Variants in TNIP1 observed in about 807,000 individuals in gnomAD.
TNIP1 encodes TNFAIP3 interacting protein 1.
Under a neutral mutation model 86.6 loss-of-function variants are expected in TNIP1, and 22 were observed. The observed-to-expected ratio is 0.25, with a 90% CI of 0.18 to 0.36. The LOEUF (loss-of-function observed/expected upper bound fraction) is 0.36. Among genes scored for constraint, TNIP1 ranks in the 10% least tolerant of loss-of-function variants. TNIP1 has a pLI of 1.00. For missense variants in TNIP1, 709 were observed against 820.6 expected, an observed-to-expected ratio of 0.86 and a Z score of 1.66; for synonymous variants, 294 against 313.0, an observed-to-expected ratio of 0.94 and a Z score of 0.64.
At chr5:151,072,072 A>G (rs1047131659) in intron 1 of TNIP1, among the ~76,000 whole-genome samples, 4 of 152,250 alleles carry the variant, frequency 2.6e-5, no homozygotes, top group Non-Finnish European at 4.4e-5. Flanking sequence ...TGGATGAGGA[A>G]GCAGACTCAG....
At chr5:151,037,629 T>A (rs1395091624) in intron 12 of TNIP1, among the ~76,000 whole-genome samples, 2 of 152,248 alleles carry the variant, frequency 1.3e-5, no homozygotes, top group Non-Finnish European at 2.9e-5. Flanking sequence ...TGCCCACATC[T>A]TCTTAAAGGT....
chr5:151,068,965 C>A lies in TNIP1; in HGVS notation c.-36-3834G>T, dbSNP rs148525473. On this transcript the variant is annotated intron_variant, in intron 1 of 17. Coordinates refer to ENST00000521591, the MANE Select transcript of TNIP1 (RefSeq NM_006058.5). ...ACTTTCTTCCAAAACAAGACCTCAGCCAGCGGGGCCTCCACAGCCTGCCCC... is the reference window on the plus strand; with the variant it reads ...ACTTTCTTCCAAAACAAGACCTCAGACAGCGGGGCCTCCACAGCCTGCCCC... Among the ~76,000 whole-genome samples the A allele has an allele frequency of 1.9e-3, 296 of 152,376 alleles. 1 individual carries two copies. The highest frequency in any genetic ancestry group is 6.6e-3 in the African/African-American group (275 of 41,594).
intron 1 of TNIP1, among the ~76,000 whole-genome samples, chr5:151,072,572 A>G (rs1011064286): frequency 2.0e-5 from 3 of 152,158 alleles, no homozygotes; most frequent in Non-Finnish European, 4.4e-5. Flanking sequence ...GTCCCCTGGA[A>G]TAAGGAACAA....
chr5:151,034,460 GGAAGGCTGGGCACATGGGCACA>G, intron 15 of TNIP1: 1 of 280,594 alleles, frequency 3.6e-6, no homozygotes, highest in Non-Finnish European at 6.7e-6. Flanking sequence ...ACATGGGCAT[GGAAGGCTGGGCACATGGGCACA>G]GAAGGCTCAT....
At position 151,035,013 on chromosome 5, in the gene TNIP1, T is replaced by C. The variant is rs776521769; in HGVS notation, c.1576A>G (p.Arg526Gly). 1.2e-5 allele frequency: 20 copies of C among 1,614,146 alleles called. No homozygotes were observed. The South Asian group carries it at 2.1e-4, about 17-fold the overall frequency. ...TCAAGCCTCCTCACCTTTGCTTTCCTCTTCTGCTGTCTGAGGGCTTCTCTT... is the reference window on the plus strand; with the variant it reads ...TCAAGCCTCCTCACCTTTGCTTTCCCCTTCTGCTGTCTGAGGGCTTCTCTT... ...KAREALRQQKRKAKASGERYH... is the reference protein window; with the variant it reads ...KAREALRQQKGKAKASGERYH... Residue 526 changes from arginine to glycine, a missense_variant, in exon 15 of 18, where the codon AGG becomes GGG. Arg to Gly is a moderately radical substitution (Grantham distance 125, BLOSUM62 -2). Transcript: ENST00000521591.
chr5:151,050,030 T>C (rs1047639929), intron 7 of TNIP1, 83 bp from the exon 8 acceptor site: 7 of 1,588,872 alleles, frequency 4.4e-6, no homozygotes, highest in Middle Eastern at 1.7e-4. Context: ...CACTATCGCA[T>C]GAGTTGCAGC....
chr5:151,063,848 G>C lies in TNIP1; in HGVS notation c.137-101C>G, dbSNP rs920378639. 4.3e-5 allele frequency: 63 copies of C among 1,463,848 alleles called. No individual in the cohort carries two copies. The Middle Eastern group carries it at 1.0e-3, about 23-fold the overall frequency. The allele number at this position is 1,463,848 out of a possible 1,614,324, so 90.7% of individuals were successfully genotyped here. On this transcript the variant is annotated intron_variant, in intron 2 of 17. Coordinates refer to ENST00000521591, the MANE Select transcript of TNIP1 (RefSeq NM_006058.5). ...AACCGTGCTGCCGCCTGGCTTCTGA[G>C]GCTCCAGGCCCTGGACTTCACTCCC...
At chr5:151,030,887 T>C (rs1756799189) in intron 17 of TNIP1, 140 bp from the exon 18 acceptor site, 1 of 640,808 alleles carries the variant, frequency 1.6e-6, no homozygotes, top group African/African-American at 1.8e-5. Context: ...CTAAGTACCT[T>C]AAGTACGCTG....
chr5:151,053,782 G>A (rs1052325526), intron 6 of TNIP1, among the ~76,000 whole-genome samples: 8 of 152,202 alleles, frequency 5.3e-5, no homozygotes, highest in African/African-American at 1.9e-4. Flanking sequence ...TTAAAGGTAG[G>A]GAAACCAGGT....
intron 15 of TNIP1, 43 bp from the exon 16 acceptor site, chr5:151,033,842 G>T: frequency 7.3e-7 from 1 of 1,374,074 alleles, no homozygotes; most frequent in Admixed American, 2.9e-5. Context: ...GCAACAGGCT[G>T]CAAAGGACAC....
At position 151,070,432 on chromosome 5, in the gene TNIP1, G is replaced by C. The variant is rs375590982; in HGVS notation, c.-36-5301C>G. ...TGTTCTCTCCTTTAATGGGATTTTAGGCTCTTCCGTCAGCTCAGTAAGCTA... is the reference window on the plus strand; with the variant it reads ...TGTTCTCTCCTTTAATGGGATTTTACGCTCTTCCGTCAGCTCAGTAAGCTA... On this transcript the variant is annotated intron_variant, in intron 1 of 17. Transcript: ENST00000521591. Among the ~76,000 whole-genome samples the C allele has an allele frequency of 3.3e-5, 5 of 152,120 alleles. No homozygotes were observed. The South Asian group carries it at 1.0e-3, about 31-fold the overall frequency.
chr5:151,082,337 G>A (rs536684534), upstream of TNIP1, among the ~76,000 whole-genome samples: 12 of 152,294 alleles, frequency 7.9e-5, no homozygotes, highest in Admixed American at 3.3e-4. Flanking sequence ...ATTCAGAAGG[G>A]AGGGAGGGAG....
chr5:151,042,812 C>T, intron 10 of TNIP1, 84 bp downstream of exon 10: 3 of 1,603,696 alleles, frequency 1.9e-6, no homozygotes, highest in Non-Finnish European at 2.6e-6. Context: ...AGCGTGGCCA[C>T]TCCCCAAGGT....
intron 6 of TNIP1, among the ~76,000 whole-genome samples, chr5:151,054,986 G>C (rs1468476387): frequency 6.6e-6 from 1 of 152,224 alleles, no homozygotes; most frequent in African/African-American, 2.4e-5. Flanking sequence ...TGTTTCCTTG[G>C]AGTCTCTGGG....
In TNIP1 at chr5:151,045,956, G is replaced by C; in HGVS notation, c.847-6C>G. ...TTACCTGCCGTCACACTAGCCTGGGGAGAAGCACAGAGGAGCCTTCACCAA... is the reference window on the plus strand; with the variant it reads ...TTACCTGCCGTCACACTAGCCTGGGCAGAAGCACAGAGGAGCCTTCACCAA... On this transcript the variant is annotated splice_polypyrimidine_tract_variant and splice_region_variant and intron_variant, in intron 8 of 17. Coordinates refer to ENST00000521591, the MANE Select transcript of TNIP1 (RefSeq NM_006058.5). 1.9e-6 allele frequency: 3 copies of C among 1,613,692 alleles called. No individual in the cohort carries two copies. The highest frequency in any genetic ancestry group is 2.5e-6 in the Non-Finnish European group (3 of 1,179,802).
At chr5:151,056,663 G>C (rs1760696970) in intron 6 of TNIP1, 103 bp downstream of exon 6, 1 of 1,184,658 alleles carries the variant, frequency 8.4e-7, no homozygotes, top group South Asian at 2.0e-5. Context: ...ACAGCCTTCA[G>C]AAGTCCCCAT....
chr5:151,031,632 T>C (rs556753517), intron 17 of TNIP1, among the ~76,000 whole-genome samples: 1 of 152,314 alleles, frequency 6.6e-6, no homozygotes, highest in East Asian at 1.9e-4. Flanking sequence ...CCTCCCACCA[T>C]GCTCCGCAGG....
At chr5:151,073,167 A>C (rs886757630) in intron 1 of TNIP1, among the ~76,000 whole-genome samples, 2 of 150,994 alleles carry the variant, frequency 1.3e-5, no homozygotes, top group Non-Finnish European at 3.0e-5. Context: ...GATTGCAGTA[A>C]GCCGAGATCA....
intron 8 of TNIP1, among the ~76,000 whole-genome samples, chr5:151,048,253 T>A (rs1249334588): frequency 1.3e-5 from 2 of 151,130 alleles, no homozygotes; most frequent in African/African-American, 4.9e-5. Flanking sequence ...GAGAGAGGAG[T>A]CCACGTGGAG....
Sources: allele counts gnomAD v4.1 joint callset (sites outside exome capture counted in the v4.1 genomes callset), GRCh38; gene constraint gnomAD v4.1.1; transcripts MANE v1.5; gene names NCBI Gene and HGNC (gene_info 2026-07-23, HGNC 2026-07-21).